Variants in EHBP1 observed in about 807,000 individuals in gnomAD.
EHBP1 encodes the protein EH domain binding protein 1, also known as EH domain-binding protein 1.
EHBP1 carries 55 observed loss-of-function variants against 144.0 expected under a neutral mutation model. The observed-to-expected ratio is 0.38, with a 90% CI of 0.31 to 0.48. The LOEUF (loss-of-function observed/expected upper bound fraction) is 0.48, where lower values mean the gene tolerates loss of function less well. Ranked by LOEUF, EHBP1 falls within the 20% of genes least tolerant of loss-of-function variation. EHBP1 has a pLI of 0.98. For synonymous variants in EHBP1, 469 were observed against 472.7 expected, an observed-to-expected ratio of 0.99 and a Z score of 0.10; for missense variants, 1,200 against 1,364.2, an observed-to-expected ratio of 0.88 and a Z score of 1.90.
intron 10 of EHBP1, among the ~76,000 whole-genome samples, chr2:62,920,030 G>A (rs1428414314): frequency 2.0e-5 from 3 of 152,096 alleles, no homozygotes; most frequent in Non-Finnish European, 2.9e-5. Context: ...TGGGATTCCC[G>A]GGAGTGGAAA....
chr2:62,684,109 G>A (rs2033634763), intron 1 of EHBP1, among the ~76,000 whole-genome samples: 1 of 152,206 alleles, frequency 6.6e-6, no homozygotes, highest in Admixed American at 6.5e-5. Flanking sequence ...GGACAACTCT[G>A]TGAGAGTATA....
chr2:62,717,862 T>TA (rs2035838380), intron 2 of EHBP1, among the ~76,000 whole-genome samples: 2 of 152,300 alleles, frequency 1.3e-5, no homozygotes, highest in South Asian at 4.1e-4. Flanking sequence ...ATGATGGTCT[T>TA]ACAGGAGCAG....
chr2:62,884,082 A>C (rs1423551047), intron 10 of EHBP1, among the ~76,000 whole-genome samples: 2 of 152,238 alleles, frequency 1.3e-5, no homozygotes, highest in African/African-American at 4.8e-5. Context: ...TGTATAAAAA[A>C]TGTTATTCAC....
In EHBP1 at chr2:62,955,666, G is replaced by C. The variant is rs1229523505; in HGVS notation, c.2460+6G>C. On this transcript the variant is annotated splice_donor_region_variant and intron_variant, in intron 14 of 22. Coordinates refer to ENST00000431489, the MANE Select transcript of EHBP1 (RefSeq NM_001142616.3). ...GCAACAGGCAGCTAAGTGATGTGAG[G>C]AGCATTGGTTAAAAAAGACCATAAG... The C allele has an allele frequency of 6.2e-7, 1 of 1,601,440 alleles. No homozygotes were observed. The highest frequency in any genetic ancestry group is 1.7e-5 in the Admixed American group (1 of 57,494).
At chr2:62,813,088 G>T (rs920789745) in intron 5 of EHBP1, among the ~76,000 whole-genome samples, 2 of 152,210 alleles carry the variant, frequency 1.3e-5, no homozygotes, top group Non-Finnish European at 2.9e-5. Flanking sequence ...CTCTAGGAGG[G>T]CAGAATGACT....
At chr2:62,842,323 G>T (rs1215184096) in intron 7 of EHBP1, among the ~76,000 whole-genome samples, 1 of 152,156 alleles carries the variant, frequency 6.6e-6, no homozygotes, top group Non-Finnish European at 1.5e-5. Flanking sequence ...CTGACCTCAG[G>T]AGATCCGCCC....
chr2:62,700,406 G>A (rs1412008749), intron 1 of EHBP1, among the ~76,000 whole-genome samples: 2 of 152,102 alleles, frequency 1.3e-5, no homozygotes, highest in Non-Finnish European at 2.9e-5. Context: ...TCTCAATTGA[G>A]GGGGCTTACA....
intron 10 of EHBP1, among the ~76,000 whole-genome samples, chr2:62,939,685 G>A (rs2056619667): frequency 6.6e-6 from 1 of 152,238 alleles, no homozygotes; most frequent in Middle Eastern, 3.4e-3. Context: ...ATCTGAGAGA[G>A]TACCAGGGAA....
At chr2:62,751,298 G>A (rs1379842333) in intron 3 of EHBP1, among the ~76,000 whole-genome samples, 4 of 152,086 alleles carry the variant, frequency 2.6e-5, no homozygotes, top group Non-Finnish European at 4.4e-5. Flanking sequence ...ATTGATTTTC[G>A]TATGTTGAAA....
chr2:62,802,719 C>CTTTTTTGTTTTT (rs2044102454), intron 5 of EHBP1, among the ~76,000 whole-genome samples: 1 of 115,604 alleles, frequency 8.7e-6, no homozygotes, highest in Non-Finnish European at 1.8e-5. Flanking sequence ...TGGGATCATA[C>CTTTTTTGTTTTT]TTTTTTTTTT....
intron 1 of EHBP1, among the ~76,000 whole-genome samples, chr2:62,685,688 A>G (rs1250007718): frequency 6.6e-6 from 1 of 152,208 alleles, no homozygotes; most frequent in Non-Finnish European, 1.5e-5. Flanking sequence ...ACATCAGTCC[A>G]TAATATCTGT....
intron 1 of EHBP1, among the ~76,000 whole-genome samples, chr2:62,674,970 T>C (rs2033233006): frequency 6.6e-6 from 1 of 152,086 alleles, no homozygotes; most frequent in South Asian, 2.1e-4. Flanking sequence ...TTAACCTTGG[T>C]CAAAAAAGTT....
chr2:62,715,910 C>T (rs1369375841), intron 2 of EHBP1, among the ~76,000 whole-genome samples: 3 of 152,240 alleles, frequency 2.0e-5, no homozygotes, highest in Middle Eastern at 3.4e-3. Context: ...TAATCTTTAC[C>T]CTAGCTAATA....
chr2:62,861,244 C>T (rs2049512154), intron 8 of EHBP1, among the ~76,000 whole-genome samples: 1 of 150,898 alleles, frequency 6.6e-6, no homozygotes, highest in Admixed American at 6.6e-5. Context: ...TTTCTCCTGC[C>T]TCAGCCTCCC....
intron 19 of EHBP1, among the ~76,000 whole-genome samples, chr2:63,003,924 G>T (rs1014128237): frequency 6.6e-6 from 1 of 152,090 alleles, no homozygotes; most frequent in African/African-American, 2.4e-5. Flanking sequence ...TTTATGAAAA[G>T]TGAGACAATA....
At chr2:62,956,460 C>A (rs558274060) in intron 14 of EHBP1, among the ~76,000 whole-genome samples, 5 of 152,012 alleles carry the variant, frequency 3.3e-5, no homozygotes, top group Admixed American at 3.3e-4. Context: ...TCACGTTTAC[C>A]CAAAGAAGTA....
At chr2:62,877,746 C>T (rs1239564473) in intron 10 of EHBP1, among the ~76,000 whole-genome samples, 1 of 152,040 alleles carries the variant, frequency 6.6e-6, no homozygotes, top group Non-Finnish European at 1.5e-5. Flanking sequence ...TTTGGGTAAA[C>T]AAATAAGGCA....
rs541126964 is a variant in EHBP1 at position 62,974,562 on chromosome 2, A to G, written c.2461-4626A>G. ...CCAGGTCAGTTGTCTAGGATATCCT[A>G]CCTTCTGGATCTATTTTGTTGTTTT... On this transcript the variant is annotated intron_variant, in intron 14 of 22. Coordinates refer to ENST00000431489, the MANE Select transcript of EHBP1 (RefSeq NM_001142616.3). 9.9e-5 allele frequency among the ~76,000 whole-genome samples: 15 copies of G among 152,160 alleles called. No individual in the cohort carries two copies. In the East Asian group the frequency reaches 1.5e-3, roughly 16 times the overall value.
chr2:62,781,142 A>G (rs1278744051), intron 5 of EHBP1, among the ~76,000 whole-genome samples: 1 of 152,124 alleles, frequency 6.6e-6, no homozygotes, highest in African/African-American at 2.4e-5. Flanking sequence ...GGCAACCACT[A>G]TGAAGATTAA....
Sources: allele counts gnomAD v4.1 joint callset (sites outside exome capture counted in the v4.1 genomes callset), GRCh38; gene constraint gnomAD v4.1.1; transcripts MANE v1.5; gene names NCBI Gene and HGNC (gene_info 2026-07-23, HGNC 2026-07-21).